The following RNF38 variants were observed in gnomAD, a reference collection of about 807,000 sequenced individuals.
RNF38 encodes E3 ubiquitin-protein ligase RNF38.
A neutral mutation model predicts 67.2 loss-of-function variants in RNF38; 15 were observed. The observed-to-expected ratio is 0.22, with a 90% CI of 0.15 to 0.34. The LOEUF (loss-of-function observed/expected upper bound fraction) is 0.34, where lower values mean the gene tolerates loss of function less well. Ranked by LOEUF, RNF38 falls within the 10% of genes least tolerant of loss-of-function variation. RNF38 has a pLI of 1.00. For synonymous variants in RNF38, 220 were observed against 218.8 expected (o/e 1.01, Z -0.05); for missense variants, 524 against 639.9 (o/e 0.82, Z 1.95).
Position 36,376,016 on chromosome 9 carries a change from T to C in RNF38, c.274A>G (p.Asn92Asp). Residue 92 changes from asparagine to aspartate, a missense_variant, in exon 3 of 12, where the codon AAT (asparagine) becomes GAT (aspartate). Physicochemically the swap from Asn to Asp is conservative, Grantham distance 23 (BLOSUM62 1). Coordinates refer to ENST00000259605, the MANE Select transcript of RNF38 (RefSeq NM_022781.5). ...GGTCGAACTGAAGGGGGCTGCCTATTTGATGTCATCTCCCATGGTCGCATT... is the reference window on the plus strand; with the variant it reads ...GGTCGAACTGAAGGGGGCTGCCTATCTGATGTCATCTCCCATGGTCGCATT... ...PPMRPWEMTS[N>D]RQPPSVRPSQ... 6.2e-7 allele frequency: 1 copy of C among 1,613,446 alleles called. No individual in the cohort carries two copies. Among genetic ancestry groups the C allele is most frequent in the Non-Finnish European group, 8.5e-7 (1 of 1,179,738 alleles).
At chr9:36,405,000 G>A (rs1294581618), upstream of RNF38, among the ~76,000 whole-genome samples, 1 of 152,110 alleles carries the variant, frequency 6.6e-6, no homozygotes, top group Non-Finnish European at 1.5e-5. Context: ...GCCAGGTGCA[G>A]TGGCTCACAC....
chr9:36,361,549 T>C (rs1157111533), intron 4 of RNF38, among the ~76,000 whole-genome samples: 1 of 152,206 alleles, frequency 6.6e-6, no homozygotes, highest in East Asian at 1.9e-4. Flanking sequence ...ATTTTATATA[T>C]TTATTAGAAG....
intron 1 of RNF38, among the ~76,000 whole-genome samples, chr9:36,465,625 A>G (rs1315304629): frequency 2.0e-5 from 3 of 152,148 alleles, no homozygotes; most frequent in Admixed American, 6.5e-5. Context: ...GATTACAGGC[A>G]TCAGCCACTA....
chr9:36,443,231 C>T (rs1182562180), intron 1 of RNF38, among the ~76,000 whole-genome samples: 1 of 152,078 alleles, frequency 6.6e-6, no homozygotes, highest in Non-Finnish European at 1.5e-5. Context: ...ATGGCAAGAC[C>T]TGGAGTGGGG....
chr9:36,387,928 AGAAAG>A (rs540459516), intron 2 of RNF38, among the ~76,000 whole-genome samples: 24 of 152,282 alleles, frequency 1.6e-4, no homozygotes, highest in African/African-American at 5.5e-4. Context: ...TCAAGCAAAA[AGAAAG>A]GAGACAAGCT....
intron 1 of RNF38, among the ~76,000 whole-genome samples, chr9:36,448,604 C>T (rs1839361746): frequency 6.6e-6 from 1 of 152,070 alleles, no homozygotes. Context: ...AATGAAGAGG[C>T]AGAACTAGAT....
intron 1 of RNF38, among the ~76,000 whole-genome samples, chr9:36,397,597 T>C (rs1035154131): frequency 1.8e-4 from 27 of 151,980 alleles, no homozygotes; most frequent in African/African-American, 5.6e-4. Flanking sequence ...ACAGCAGAAA[T>C]AGGGTGTGTG....
chr9:36,390,668 G>A (rs757741489), intron 1 of RNF38, 52 bp from the exon 2 acceptor site: 123 of 1,573,630 alleles, frequency 7.8e-5, no homozygotes, highest in Non-Finnish European at 1.0e-4. Flanking sequence ...CACCAATGTG[G>A]AGAATCACGC....
At chr9:36,432,563 G>C (rs1412597069) in intron 1 of RNF38, among the ~76,000 whole-genome samples, 1 of 152,066 alleles carries the variant, frequency 6.6e-6, no homozygotes, top group Admixed American at 6.6e-5. Context: ...GGCAGAGGCG[G>C]GCGGGCGGAT....
intron 1 of RNF38, among the ~76,000 whole-genome samples, chr9:36,436,960 G>A (rs1295875584): frequency 1.3e-5 from 2 of 152,288 alleles, no homozygotes; most frequent in African/African-American, 2.4e-5. Flanking sequence ...AAACAGAGAA[G>A]GCAGTTTTCT....
chr9:36,398,054 T>A (rs371079270), intron 1 of RNF38, among the ~76,000 whole-genome samples: 1 of 152,200 alleles, frequency 6.6e-6, no homozygotes, highest in East Asian at 1.9e-4. Flanking sequence ...AGAGGTATGA[T>A]TGAGTTATAA....
chr9:36,425,561 G>T (rs1168944718), intron 1 of RNF38, among the ~76,000 whole-genome samples: 2 of 152,034 alleles, frequency 1.3e-5, no homozygotes, highest in Non-Finnish European at 2.9e-5. Flanking sequence ...ACGCGTGGTG[G>T]CGCACCCCTG....
chr9:36,358,064 C>T, intron 4 of RNF38, 122 bp from the exon 5 acceptor site: 1 of 712,992 alleles, frequency 1.4e-6, no homozygotes, highest in Non-Finnish European at 2.3e-6. Context: ...ACAATGTACT[C>T]TCCAATAGTT....
At chr9:36,410,854 A>G (rs755599974) in intron 2 of RNF38, among the ~76,000 whole-genome samples, 2 of 152,196 alleles carry the variant, frequency 1.3e-5, no homozygotes, top group Non-Finnish European at 2.9e-5. Flanking sequence ...CTAGGAGTAG[A>G]ATGTTGTTTC....
intron 1 of RNF38, among the ~76,000 whole-genome samples, chr9:36,471,221 T>A (rs971404475): frequency 3.3e-5 from 5 of 152,244 alleles, no homozygotes; most frequent in Non-Finnish European, 5.9e-5. Flanking sequence ...ATATCCAATT[T>A]GACTTGCCTC....
rs575830351 is a variant in RNF38, at chr9:36,457,036, C to A, written n.241+30272G>T. Among the ~76,000 whole-genome samples the A allele has an allele frequency of 1.3e-3, 201 of 152,190 alleles. 1 individual carries two copies. Among genetic ancestry groups the A allele is most frequent in the African/African-American group, 4.8e-3 (198 of 41,546 alleles). ...CTACTTCATCAACACCCACATCCTA[C>A]AAGATTATCATGCAATAAAGTATAA... On this transcript the variant is annotated intron_variant and non_coding_transcript_variant, in intron 1 of 3. Coordinates refer to the RNF38 transcript ENST00000488058.
chr9:36,442,797 G>A (rs1438254620), intron 1 of RNF38, among the ~76,000 whole-genome samples: 1 of 152,172 alleles, frequency 6.6e-6, no homozygotes, highest in Non-Finnish European at 1.5e-5. Flanking sequence ...AGTGTCTGCT[G>A]GAATTGAGCA....
chr9:36,339,833 A>G lies in RNF38; in HGVS notation c.1486-19T>C. The G allele has an allele frequency of 6.2e-7, 1 of 1,601,232 alleles. No individual in the cohort carries two copies. The highest frequency in any genetic ancestry group is 8.5e-7 in the Non-Finnish European group (1 of 1,170,952). On this transcript the variant is annotated intron_variant, in intron 11 of 11. Coordinates refer to ENST00000259605, the MANE Select transcript of RNF38 (RefSeq NM_022781.5). Reference sequence around the variant, plus strand: ...GATTTGCCTACAAAACAAAAAGGAAAACTTGTTTAAATTGTGACACATACA... The same window carrying G: ...GATTTGCCTACAAAACAAAAAGGAAGACTTGTTTAAATTGTGACACATACA...
intron 1 of RNF38, among the ~76,000 whole-genome samples, chr9:36,481,107 T>A (rs890415846): frequency 1.3e-5 from 2 of 150,688 alleles, no homozygotes; most frequent in Admixed American, 1.3e-4. Flanking sequence ...CTCCGCCTCC[T>A]GGGTTCAAGC....
Sources: gnomAD v4.1 joint callset for allele counts (sites outside exome capture counted in the v4.1 genomes callset) on GRCh38, gnomAD v4.1.1 for gene constraint, MANE v1.5 for transcripts, NCBI Gene and HGNC (gene_info 2026-07-23, HGNC 2026-07-21) for gene names.